Variants in SLC25A48 observed in about 807,000 individuals in gnomAD.
The protein encoded by SLC25A48 is solute carrier family 25 member 48.
A neutral mutation model predicts 32.2 loss-of-function variants in SLC25A48; 29 were observed. The ratio of observed to expected loss-of-function variants is 0.90; its 90% CI spans 0.67 to 1.23. SLC25A48 has a LOEUF of 1.23. Ranked by LOEUF, SLC25A48 falls within the 50% of genes most tolerant of loss-of-function variation. The pLI is 0.00. For missense variants in SLC25A48, 399 were observed against 422.7 expected, an observed-to-expected ratio of 0.94 and a Z score of 0.49; for synonymous variants, 164 against 172.3, an observed-to-expected ratio of 0.95 and a Z score of 0.38.
chr5:135,836,699 G>T (rs1758538772), intron 1 of SLC25A48, among the ~76,000 whole-genome samples: 1 of 152,112 alleles, frequency 6.6e-6, no homozygotes, highest in African/African-American at 2.4e-5. Flanking sequence ...CTTGCAATAT[G>T]TGATCTCTTG....
Position 135,888,140 on chromosome 5 carries a change from C to T in SLC25A48, c.*116C>T, listed in dbSNP as rs1762801442. On this transcript the variant is annotated 3_prime_UTR_variant, in exon 8 of 8. Transcript: ENST00000681962. Reference sequence around the variant, plus strand: ...GGACCTCCAAGTGGACATCAATTAGCAAGCGTGGGCTAGGATGGTGCAGAC... The same window carrying T: ...GGACCTCCAAGTGGACATCAATTAGTAAGCGTGGGCTAGGATGGTGCAGAC... 4.6e-6 allele frequency: 7 copies of T among 1,517,788 alleles called. No homozygotes were observed. The East Asian group carries it at 1.7e-4, about 37-fold the overall frequency. 94.0% of individuals were successfully genotyped at this position (1,517,788 alleles called of 1,614,324 possible).
intron 3 of SLC25A48, among the ~76,000 whole-genome samples, chr5:135,704,526 G>C (rs970673984): frequency 3.3e-5 from 5 of 152,210 alleles, no homozygotes; most frequent in African/African-American, 1.2e-4. Flanking sequence ...TATTTGGCCA[G>C]TTACTTTATG....
At chr5:135,630,089 A>T (rs1752521357) in intron 2 of SLC25A48, among the ~76,000 whole-genome samples, 1 of 152,198 alleles carries the variant, frequency 6.6e-6, no homozygotes. Context: ...GGAAGGGATC[A>T]TGCATATGCC....
intron 1 of SLC25A48, among the ~76,000 whole-genome samples, chr5:135,837,038 G>T (rs1158337676): frequency 9.8e-5 from 13 of 132,740 alleles, no homozygotes; most frequent in Admixed American, 8.7e-4. Context: ...CCAAGGTCTG[G>T]AAATCACTGA....
rs553880100 is a variant in SLC25A48 at position 135,738,763 on chromosome 5, T to C, written c.-520-73760T>C. Among the ~76,000 whole-genome samples, 7 of 152,308 alleles carry C rather than the reference T, an allele frequency of 4.6e-5. 1 individual carries two copies. The Middle Eastern group carries it at 0.014, about 296-fold the overall frequency. On this transcript the variant is annotated intron_variant, in intron 3 of 10. Coordinates refer to the SLC25A48 transcript ENST00000646290. ...GCTGACTTTGTAATGATAGTTTGCCTTTCAGATCACAAAATCATAAATGTT... is the reference window on the plus strand; with the variant it reads ...GCTGACTTTGTAATGATAGTTTGCCCTTCAGATCACAAAATCATAAATGTT...
intron 1 of SLC25A48, among the ~76,000 whole-genome samples, chr5:135,841,039 T>C (rs186653537): frequency 6.6e-6 from 1 of 152,378 alleles, no homozygotes; most frequent in Admixed American, 6.5e-5. Flanking sequence ...CTACCAGCAA[T>C]GTACAAGAGT....
rs187888162 is a variant in SLC25A48, at chr5:135,783,424, T to C, written c.-520-29099T>C. On this transcript the variant is annotated intron_variant, in intron 3 of 10. Transcript: ENST00000646290. The stretch of plus-strand genomic sequence containing the variant: ...TGTACACCATCCCCCTGTGTGATTG[T>C]TTCTGATATCCAGGGGAAAAGAGCA... Among the ~76,000 whole-genome samples the C allele has an allele frequency of 1.0e-3, 118 of 117,850 alleles. 13 individuals are homozygous for C. Among genetic ancestry groups the C allele is most frequent in the African/African-American group, 2.8e-3 (109 of 38,754 alleles). The allele number at this position is 117,850 out of a possible 152,430, so 77.3% of individuals were successfully genotyped here. A position where few individuals can be genotyped will look rare whatever the true frequency, so the allele number is the denominator to read the frequency against.
chr5:135,587,725 C>T (rs1751402447), intron 1 of SLC25A48, among the ~76,000 whole-genome samples: 1 of 152,164 alleles, frequency 6.6e-6, no homozygotes, highest in African/African-American at 2.4e-5. Context: ...TAGTCATTGC[C>T]TCTGAACATG....
chr5:135,874,395 G>A (rs1441432154), intron 6 of SLC25A48, among the ~76,000 whole-genome samples: 1 of 152,194 alleles, frequency 6.6e-6, no homozygotes, highest in Non-Finnish European at 1.5e-5. Context: ...GTAACCTGCC[G>A]CAGCCACACA....
intron 3 of SLC25A48, among the ~76,000 whole-genome samples, chr5:135,760,226 G>T (rs114104651): frequency 0.012 from 1,761 of 152,182 alleles, 32 homozygotes; most frequent in African/African-American, 0.04. Flanking sequence ...ATATATTCCT[G>T]TTATAGTTAC....
At chr5:135,582,340 A>G (rs1200571953) in intron 1 of SLC25A48, among the ~76,000 whole-genome samples, 2 of 152,174 alleles carry the variant, frequency 1.3e-5, no homozygotes, top group Admixed American at 6.5e-5. Context: ...GGGAAGGCAG[A>G]CATTAGCTAT....
chr5:135,778,845 C>G (rs1360956811), intron 3 of SLC25A48, among the ~76,000 whole-genome samples: 1 of 3,156 alleles, frequency 3.2e-4, no homozygotes, highest in Non-Finnish European at 8.0e-4. Flanking sequence ...ACACACCCCC[C>G]CCGCCCCGCC....
intron 3 of SLC25A48, among the ~76,000 whole-genome samples, chr5:135,687,342 C>T (rs1754040297): frequency 6.6e-6 from 1 of 152,182 alleles, no homozygotes; most frequent in African/African-American, 2.4e-5. Flanking sequence ...TATGATTTTA[C>T]AATGGCACTT....
intron 3 of SLC25A48, among the ~76,000 whole-genome samples, chr5:135,760,477 A>G (rs1272728367): frequency 1.3e-5 from 2 of 152,164 alleles, no homozygotes; most frequent in African/African-American, 2.4e-5. Flanking sequence ...GCTGCTGTGG[A>G]GGGGAAGGCA....
intron 3 of SLC25A48, among the ~76,000 whole-genome samples, chr5:135,751,194 C>T (rs1463104006): frequency 6.6e-6 from 1 of 152,214 alleles, no homozygotes; most frequent in Non-Finnish European, 1.5e-5. Flanking sequence ...ACAACTGACA[C>T]TCCGTGCCTT....
In SLC25A48 at chr5:135,888,151, T is replaced by C; in HGVS notation, c.*127T>C. On this transcript the variant is annotated 3_prime_UTR_variant, in exon 8 of 8. Transcript: ENST00000681962. ...TGGACATCAATTAGCAAGCGTGGGC[T>C]AGGATGGTGCAGACACTGACGTGGC... The C allele has an allele frequency of 2.7e-6, 4 of 1,490,352 alleles. No individual in the cohort carries two copies. The highest frequency in any genetic ancestry group is 9.1e-7 in the Non-Finnish European group (1 of 1,093,054). 92.3% of individuals were successfully genotyped at this position (1,490,352 alleles called of 1,614,324 possible).
chr5:135,852,739 C>T lies in SLC25A48; in HGVS notation c.339C>T (p.Ala113=), dbSNP rs552013288. ...ACCTGCTCCTGGCCAGCATGGTGGC[C>T]GGCGTGGTCTCTGTCGGGCTGGGAG... is the stretch of plus-strand genomic sequence containing the variant. ...LSDLLLASMV[A]GVVSVGLGGP... Residue 113 remains alanine, a synonymous_variant, in exon 4 of 8, where the codon GCC becomes GCT. Transcript: ENST00000681962. The T allele has an allele frequency of 3.1e-5, 50 of 1,614,066 alleles. No homozygotes were observed. The Admixed American group carries it at 4.2e-4, about 13-fold the overall frequency.
chr5:135,664,159 G>A (rs1005320531), intron 3 of SLC25A48, among the ~76,000 whole-genome samples: 1 of 152,236 alleles, frequency 6.6e-6, no homozygotes, highest in East Asian at 1.9e-4. Flanking sequence ...TTTTAGTAAA[G>A]TTACTCTTTG....
chr5:135,606,713 A>C (rs1183647726), intron 1 of SLC25A48, among the ~76,000 whole-genome samples: 1 of 152,208 alleles, frequency 6.6e-6, no homozygotes, highest in Non-Finnish European at 1.5e-5. Flanking sequence ...GGGTCAGTGA[A>C]ACTTGCCAGC....
Sources: gnomAD v4.1 joint callset for allele counts (sites outside exome capture counted in the v4.1 genomes callset) on GRCh38, gnomAD v4.1.1 for gene constraint, MANE v1.5 for transcripts, NCBI Gene and HGNC (gene_info 2026-07-23, HGNC 2026-07-21) for gene names.